Variants in PDPN observed in about 807,000 individuals in gnomAD.
PDPN encodes podoplanin, also known as PA2.26 antigen.
In PDPN, 12 loss-of-function variants were observed where a neutral mutation model predicts 23.2. The observed-to-expected ratio is 0.52, with a 90% CI of 0.33 to 0.84. The LOEUF (loss-of-function observed/expected upper bound fraction) is 0.84. Among genes scored for constraint, PDPN ranks in the 40% least tolerant of loss-of-function variants. The probability of loss-of-function intolerance (pLI) is 0.02; values close to 1 mark genes in which losing one functional copy is unlikely to be tolerated. For synonymous variants in PDPN, 77 were observed against 76.7 expected, an observed-to-expected ratio of 1.00 and a Z score of -0.02; for missense variants, 199 against 212.2, an observed-to-expected ratio of 0.94 and a Z score of 0.39.
intron 5 of PDPN, chr1:13,614,830 C>A (rs550498766): frequency 3.9e-6 from 2 of 518,248 alleles, no homozygotes; most frequent in Non-Finnish European, 3.9e-6. Context: ...AGGACTACAT[C>A]TGAAGTTTCC....
chr1:13,615,047 G>C (rs1489492395), intron 5 of PDPN, among the ~76,000 whole-genome samples: 1 of 152,122 alleles, frequency 6.6e-6, no homozygotes, highest in African/African-American at 2.4e-5. Context: ...CAGAGAAAAG[G>C]CTTCTAGAAA....
At chr1:13,600,178 C>G (rs775926389) in intron 1 of PDPN, among the ~76,000 whole-genome samples, 8 of 152,040 alleles carry the variant, frequency 5.3e-5, no homozygotes, top group Non-Finnish European at 1.0e-4. Context: ...GAGGATGGCA[C>G]CTGGGCAGAA....
intron 5 of PDPN, among the ~76,000 whole-genome samples, 156 bp from the exon 6 acceptor site, chr1:13,615,749 G>A (rs143058991): frequency 2.0e-5 from 3 of 152,258 alleles, no homozygotes; most frequent in East Asian, 3.9e-4. Context: ...GTGTGAGGAC[G>A]AAGGCATGGA....
intron 5 of PDPN, among the ~76,000 whole-genome samples, chr1:13,615,555 T>C (rs1489857626): frequency 6.6e-6 from 1 of 152,052 alleles, no homozygotes; most frequent in African/African-American, 2.4e-5. Flanking sequence ...CAAAATGCTG[T>C]GATTACAGGC....
intron 1 of PDPN, among the ~76,000 whole-genome samples, chr1:13,586,763 TAAAAAA>T (rs34131450): frequency 8.0e-6 from 1 of 125,452 alleles, no homozygotes. Context: ...ACTCTGCCAT[TAAAAAA>T]AAAAAAAAAA....
chr1:13,594,947 AT>A (rs1640451712), intron 1 of PDPN, among the ~76,000 whole-genome samples: 1 of 149,884 alleles, frequency 6.7e-6, no homozygotes, highest in Non-Finnish European at 1.5e-5. Flanking sequence ...GTGAGCTGAG[AT>A]TGCGCCACTG....
At chr1:13,601,021 G>A (rs369464656) in intron 1 of PDPN, among the ~76,000 whole-genome samples, 2 of 152,338 alleles carry the variant, frequency 1.3e-5, no homozygotes, top group East Asian at 3.9e-4. Flanking sequence ...GTGAGAGGGT[G>A]TTAGGACAAT....
chr1:13,610,472 G>T lies in PDPN; in HGVS notation c.287G>T (p.Ser96Ile). Residue 96 changes from serine to isoleucine, a missense_variant, in exon 3 of 6, where the codon AGT becomes ATT. Transcript: ENST00000621990. ...SESTVHAQEQ[S>I]PSATASNVAT... ...AGCACAGTCCACGCGCAAGAACAAA[G>T]TCCAAGCGCCACAGCCTCAAACGTG... is the stretch of plus-strand genomic sequence containing the variant. The T allele has an allele frequency of 6.2e-7, 1 of 1,614,080 alleles. No individual in the cohort carries two copies. The highest frequency in any genetic ancestry group is 2.2e-5 in the East Asian group (1 of 44,882).
At chr1:13,587,469 G>A (rs76966712) in intron 1 of PDPN, among the ~76,000 whole-genome samples, 2,098 of 152,218 alleles carry the variant, frequency 0.014, 43 homozygotes, top group African/African-American at 0.048. Context: ...GTGGAAATAC[G>A]ACGGGGGAGG....
intron 3 of PDPN, among the ~76,000 whole-genome samples, chr1:13,612,045 T>A (rs1233431580): frequency 7.2e-5 from 11 of 152,168 alleles, no homozygotes; most frequent in Admixed American, 7.2e-4. Context: ...AAATTCTCAG[T>A]TGCCTGGGAA....
rs914897474 is a variant in PDPN at position 13,616,012 on chromosome 1, A to G, written c.*101A>G. The stretch of plus-strand genomic sequence containing the variant: ...CTCGTGGGAGAAGATGACCCGTGGA[A>G]CACTTGCCTGGCCCACTCAGAATCC... On this transcript the variant is annotated 3_prime_UTR_variant, in exon 6 of 6. Transcript: ENST00000621990. The G allele has an allele frequency of 1.8e-6, 2 of 1,133,532 alleles. No homozygotes were observed. The highest frequency in any genetic ancestry group is 2.7e-6 in the Non-Finnish European group (2 of 744,290). 70.2% of individuals were successfully genotyped at this position (1,133,532 alleles called of 1,614,324 possible).
chr1:13,588,219 A>C (rs1640232317), intron 1 of PDPN, among the ~76,000 whole-genome samples: 1 of 152,166 alleles, frequency 6.6e-6, no homozygotes, highest in South Asian at 2.1e-4. Context: ...AAAGTGCCGT[A>C]GGCAATAGAG....
chr1:13,585,423 C>T, intron 1 of PDPN: 5 of 1,165,450 alleles, frequency 4.3e-6, no homozygotes, highest in Non-Finnish European at 5.5e-6. Context: ...TCTCTTTCCA[C>T]TGGAATATAT....
intron 1 of PDPN, among the ~76,000 whole-genome samples, chr1:13,605,449 T>C (rs559727083): frequency 1.6e-4 from 24 of 152,338 alleles, no homozygotes; most frequent in African/African-American, 5.3e-4. Context: ...GTGAGTCACA[T>C]TTTTAATGCA....
intron 3 of PDPN, 134 bp downstream of exon 3, chr1:13,610,650 T>C (rs1390773198): frequency 2.4e-5 from 20 of 848,176 alleles, no homozygotes; most frequent in Non-Finnish European, 3.7e-5. Flanking sequence ...CCAAGCTTTA[T>C]ATGGTAGGTT....
intron 1 of PDPN, among the ~76,000 whole-genome samples, chr1:13,586,623 A>G (rs1221000822): frequency 6.6e-6 from 1 of 152,170 alleles, no homozygotes; most frequent in African/African-American, 2.4e-5. Context: ...GCCATGTGCT[A>G]GGAATATTGC....
upstream of PDPN, chr1:13,583,808 G>A (rs779570316): frequency 5.8e-6 from 9 of 1,544,592 alleles, no homozygotes; most frequent in Middle Eastern, 1.8e-4. Context: ...AGAGATAAAT[G>A]CTGACTCCGC....
At chr1:13,606,891 A>C (rs1303025897) in intron 1 of PDPN, among the ~76,000 whole-genome samples, 4 of 152,146 alleles carry the variant, frequency 2.6e-5, no homozygotes, top group Non-Finnish European at 5.9e-5. Context: ...TCCCCTGTCC[A>C]GGCCACCTCG....
chr1:13,592,816 C>T (rs1640385234), intron 1 of PDPN, among the ~76,000 whole-genome samples: 1 of 152,150 alleles, frequency 6.6e-6, no homozygotes, highest in Non-Finnish European at 1.5e-5. Flanking sequence ...TCCCAAAGTG[C>T]TGGGATTACA....
Sources: gnomAD v4.1 joint callset for allele counts (sites outside exome capture counted in the v4.1 genomes callset) on GRCh38, gnomAD v4.1.1 for gene constraint, MANE v1.5 for transcripts, NCBI Gene and HGNC (gene_info 2026-07-23, HGNC 2026-07-21) for gene names.